Variants in DEDD2 observed in about 807,000 individuals in gnomAD.
DEDD2 encodes the protein DNA-binding death effector domain-containing protein 2.
Under a neutral mutation model 28.9 loss-of-function variants are expected in DEDD2, and 18 were observed. That is an observed-to-expected ratio of 0.62 (90% CI 0.43 to 0.92). The LOEUF is 0.92. Among genes scored for constraint, DEDD2 ranks in the 40% least tolerant of loss-of-function variants. The probability of loss-of-function intolerance (pLI) is 0.00; values close to 1 mark genes in which losing one functional copy is unlikely to be tolerated. For synonymous variants in DEDD2, 211 were observed against 206.1 expected, an observed-to-expected ratio of 1.02 and a Z score of -0.20; for missense variants, 411 against 463.3, an observed-to-expected ratio of 0.89 and a Z score of 1.04.
At chr19:42,217,100 C>T in intron 1 of DEDD2, 55 bp from the exon 2 acceptor site, 1 of 1,315,652 alleles carries the variant, frequency 7.6e-7, no homozygotes. Context: ...AGGCCCGAAC[C>T]CCACACCGCC....
chr19:42,201,896 G>C, intron 4 of DEDD2: 1 of 397,774 alleles, frequency 2.5e-6, no homozygotes, highest in East Asian at 3.6e-5. Context: ...ATGTGGGTGG[G>C]AGAGCAGGGG....
upstream of DEDD2, among the ~76,000 whole-genome samples, chr19:42,218,853 T>C (rs550273513): frequency 6.9e-6 from 1 of 145,416 alleles, no homozygotes; most frequent in African/African-American, 2.6e-5. Context: ...GCCAACATGA[T>C]GAAACCCTGT....
At position 42,199,234 on chromosome 19, in the gene DEDD2, T is replaced by G; in HGVS notation, c.*204A>C. Reference sequence around the variant, plus strand: ...GGGGCACACCTGGGGGTAGGAGGAGTCTGGGAAGGAAACTCAGCTGGAAAT... The same window carrying G: ...GGGGCACACCTGGGGGTAGGAGGAGGCTGGGAAGGAAACTCAGCTGGAAAT... On this transcript the variant is annotated 3_prime_UTR_variant, in exon 5 of 5. Coordinates refer to ENST00000596251, the MANE Select transcript of DEDD2 (RefSeq NM_133328.4). The surrounding 1 kb of genome is among the most constrained non-coding windows in gnomAD (Gnocchi z 7.4). The G allele has an allele frequency of 1.3e-6, 1 of 763,424 alleles. No individual in the cohort carries two copies. The highest frequency in any genetic ancestry group is 2.9e-5 in the East Asian group (1 of 34,768). The allele number at this position is 763,424 out of a possible 1,614,324, so 47.3% of individuals were successfully genotyped here.
At position 42,199,260 on chromosome 19, in the gene DEDD2, G is replaced by T. The variant is rs747072941; in HGVS notation, c.*178C>A. 2.6e-5 allele frequency: 25 copies of T among 960,290 alleles called. No homozygotes were observed. Among genetic ancestry groups the T allele is most frequent in the Non-Finnish European group, 3.4e-5 (23 of 671,588 alleles). The allele number at this position is 960,290 out of a possible 1,614,324, so 59.5% of individuals were successfully genotyped here. A position where few individuals can be genotyped will look rare whatever the true frequency, so the allele number is the denominator to read the frequency against. ...CTGGGAAGGAAACTCAGCTGGAAAT[G>T]GTTTAGGCCTCAGAGCCCACATCCT... On this transcript the variant is annotated 3_prime_UTR_variant, in exon 5 of 5. Coordinates refer to ENST00000596251, the MANE Select transcript of DEDD2 (RefSeq NM_133328.4). This position sits in a 1 kb window ranked among gnomAD's most constrained non-coding sequence, Gnocchi z 7.4.
chr19:42,202,916 G>A (rs562503146), intron 4 of DEDD2, among the ~76,000 whole-genome samples: 6 of 152,288 alleles, frequency 3.9e-5, no homozygotes, highest in South Asian at 2.1e-4. Context: ...ACCCAATCAC[G>A]TGCTTTACCC....
At chr19:42,203,382 G>GA (rs2035407766) in intron 4 of DEDD2, among the ~76,000 whole-genome samples, 1 of 152,146 alleles carries the variant, frequency 6.6e-6, no homozygotes, top group Non-Finnish European at 1.5e-5. Context: ...AAACAGGAGA[G>GA]AAAAAAAGAA....
In DEDD2 at chr19:42,215,265, A is replaced by C. The variant is rs761878770; in HGVS notation, c.329-13T>G. 9.3e-6 allele frequency: 15 copies of C among 1,613,122 alleles called. No individual in the cohort carries two copies. On this transcript the variant is annotated splice_polypyrimidine_tract_variant and intron_variant, in intron 2 of 4. Coordinates refer to ENST00000596251, the MANE Select transcript of DEDD2 (RefSeq NM_133328.4). ...CGTTCTGGAGACACTGGAGGAAGAG[A>C]AGAACAGGAAGAAGCATTCAGCCTC...
At chr19:42,207,020 A>G (rs1430216429) in intron 4 of DEDD2, among the ~76,000 whole-genome samples, 2 of 152,136 alleles carry the variant, frequency 1.3e-5, no homozygotes, top group Non-Finnish European at 2.9e-5. Context: ...CTCGGGAAAG[A>G]GACCTGAAGC....
intron 2 of DEDD2, among the ~76,000 whole-genome samples, chr19:42,215,720 TC>T (rs1033697517): frequency 6.6e-6 from 1 of 151,900 alleles, no homozygotes; most frequent in Non-Finnish European, 1.5e-5. Context: ...AAGGCCATAA[TC>T]CCCCCTCCCC....
Position 42,199,639 on chromosome 19 carries a change from G to T in DEDD2, c.780C>A (p.Asp260Glu), listed in dbSNP as rs774292286. Residue 260 changes from aspartate to glutamate, a missense_variant, in exon 5 of 5, where the codon GAC (aspartate) becomes GAA (glutamate). This residue lies in a region of DEDD2 where 129 missense variants were observed against 189.9 expected (regional missense o/e 0.68). Transcript: ENST00000596251. The surrounding 1 kb of genome is among the most constrained non-coding windows in gnomAD (Gnocchi z 7.4). ...DIKFSELSYL[D>E]AFWGDYLSGA... is the part of the protein sequence containing the mutation. ...CACTCAGGTAGTCGCCCCAGAAGGC[G>T]TCCAGATAGGAGAGCTCTGAGAACT... 6.2e-7 allele frequency: 1 copy of T among 1,614,026 alleles called. No individual in the cohort carries two copies. The highest frequency in any genetic ancestry group is 1.7e-5 in the Admixed American group (1 of 60,008).
At chr19:42,217,067 G>C (rs755230655) in intron 1 of DEDD2, 22 bp from the exon 2 acceptor site, 505 of 1,497,978 alleles carry the variant, frequency 3.4e-4, no homozygotes, top group Non-Finnish European at 3.8e-4. Context: ...ACAGCGGGGA[G>C]GGGGCAGTGG....
At chr19:42,216,590 G>A in intron 2 of DEDD2, 90 bp downstream of exon 2, 1 of 1,298,892 alleles carries the variant, frequency 7.7e-7, no homozygotes, top group Non-Finnish European at 1.0e-6. Context: ...TGCCTGATAT[G>A]GCACTGTCCG....
chr19:42,209,777 C>T lies in DEDD2; in HGVS notation c.512G>A (p.Arg171Gln), dbSNP rs1020841716. The change falls in exon 4 of 5, where the codon CGG becomes CAG. Residue 171 changes from arginine to glutamine, a missense_variant. Coordinates refer to ENST00000596251, the MANE Select transcript of DEDD2 (RefSeq NM_133328.4). ...RGRPSGGARR[R>Q]RRGAPAAPQQ... ...GGGTGCGGCTGGGGCCCCTCTCCGC[C>T]GCCGTCTGGCACCACCACTGGGCCG... 5.0e-6 allele frequency: 8 copies of T among 1,596,276 alleles called. No homozygotes were observed. Among genetic ancestry groups the T allele is most frequent in the Admixed American group, 1.7e-5 (1 of 57,174 alleles).
In DEDD2 at chr19:42,209,840, C is replaced by G; in HGVS notation, c.449G>C (p.Gly150Ala). Residue 150 changes from glycine to alanine, a missense_variant and splice_region_variant, in exon 4 of 5, where the codon GGC becomes GCC. Physicochemically the swap from Gly to Ala is moderately conservative, Grantham distance 60 (BLOSUM62 0). Transcript: ENST00000596251. ...ANSQQGQWET[G>A]SPPTKRQRRS... ...CCGCTGCCGCTTGGTTGGGGGGGAG[C>G]CTGAGGGGAAAAAAATGGGGCAAGT... 6.6e-7 allele frequency: 1 copy of G among 1,515,516 alleles called. No individual in the cohort carries two copies. The highest frequency in any genetic ancestry group is 2.6e-5 in the East Asian group (1 of 39,154). The allele number at this position is 1,515,516 out of a possible 1,614,324, so 93.9% of individuals were successfully genotyped here.
intron 3 of DEDD2, among the ~76,000 whole-genome samples, chr19:42,210,728 C>CT (rs1276371578): frequency 6.6e-6 from 1 of 151,944 alleles, no homozygotes; most frequent in African/African-American, 2.4e-5. Context: ...ACTCATATAA[C>CT]TGATTTACAC....
intron 4 of DEDD2, among the ~76,000 whole-genome samples, chr19:42,207,802 C>T (rs1262040724): frequency 1.3e-5 from 2 of 151,430 alleles, no homozygotes; most frequent in African/African-American, 4.9e-5. Context: ...AAAATCCAAA[C>T]CAAGGCCCCC....
intron 3 of DEDD2, among the ~76,000 whole-genome samples, chr19:42,211,069 CAA>C (rs750942650): frequency 3.5e-4 from 18 of 51,712 alleles, no homozygotes; most frequent in Admixed American, 1.0e-3. Flanking sequence ...GACCCTGTCT[CAA>C]AAAAAAAAAA....
chr19:42,201,438 G>A (rs2035326073), intron 4 of DEDD2, among the ~76,000 whole-genome samples: 1 of 152,252 alleles, frequency 6.6e-6, no homozygotes, highest in Admixed American at 6.5e-5. Context: ...CAGTGTCCAA[G>A]GGGTGCTCCC....
In DEDD2 at chr19:42,203,530, G is replaced by A. The variant is rs544266608; in HGVS notation, c.590-3701C>T. ...AAGGGAGAACGGGCAGCCAGGTCAG[G>A]GAGGCTGATCTCAATCCCAATCGCC... On this transcript the variant is annotated intron_variant, in intron 4 of 4. Coordinates refer to ENST00000596251, the MANE Select transcript of DEDD2 (RefSeq NM_133328.4). 8.5e-5 allele frequency among the ~76,000 whole-genome samples: 13 copies of A among 152,304 alleles called. No individual in the cohort carries two copies. In the South Asian group the frequency reaches 2.1e-3, roughly 24 times the overall value.
Sources: gnomAD v4.1 joint callset for allele counts (sites outside exome capture counted in the v4.1 genomes callset) on GRCh38, gnomAD v4.1.1 for gene constraint, gnomAD v4.1.1 regional missense constraint, Gnocchi (gnomAD v3.1) non-coding constraint, MANE v1.5 for transcripts, NCBI Gene and HGNC (gene_info 2026-07-23, HGNC 2026-07-21) for gene names.